MCF2L: variants seen among roughly 807,000 people sequenced by gnomAD.
MCF2L encodes guanine nucleotide exchange factor DBS.
A neutral mutation model predicts 153.4 loss-of-function variants in MCF2L; 97 were observed. That is an observed-to-expected ratio of 0.63 (90% CI 0.54 to 0.75). The LOEUF (loss-of-function observed/expected upper bound fraction) is 0.75, where lower values mean the gene tolerates loss of function less well. MCF2L is among the 30% of genes least tolerant of loss of function. The pLI is 0.00. For missense variants in MCF2L, 1,347 were observed against 1,495.2 expected, an observed-to-expected ratio of 0.90 and a Z score of 1.64; for synonymous variants, 659 against 632.2, an observed-to-expected ratio of 1.04 and a Z score of -0.64.
intron 13 of MCF2L, among the ~76,000 whole-genome samples, chr13:113,077,739 G>T (rs554413300): frequency 1.3e-5 from 2 of 152,174 alleles, no homozygotes; most frequent in South Asian, 2.1e-4. Flanking sequence ...AGCCAGGCAC[G>T]GCGCCATTTC....
chr13:113,079,909 T>TA (rs2033940078), intron 15 of MCF2L, among the ~76,000 whole-genome samples: 1 of 93,044 alleles, frequency 1.1e-5, no homozygotes, highest in South Asian at 3.6e-4. Context: ...AGGGGAGTGT[T>TA]CGTATGGAGG....
intron 3 of MCF2L, among the ~76,000 whole-genome samples, chr13:113,038,357 C>A (rs771587830): frequency 9.3e-5 from 14 of 151,062 alleles, no homozygotes; most frequent in Non-Finnish European, 2.1e-4. Flanking sequence ...CCCAGCTACT[C>A]GGGAGGCTGA....
Position 112,904,089 on chromosome 13 carries a change from C to G in MCF2L, c.169+1718C>G, listed in dbSNP as rs1483741489. ...GGTGCCTTTCCCTGAGCGCCCAAGT[C>G]TCGCGTGGACCAGCTCTGGGGACTG... On this transcript the variant is annotated intron_variant, in intron 2 of 29. Transcript: ENST00000375608. This position sits in a 1 kb window ranked among gnomAD's most constrained non-coding sequence, Gnocchi z 4.2. 6.6e-6 allele frequency among the ~76,000 whole-genome samples: 1 copy of G among 152,018 alleles called. No individual in the cohort carries two copies. The highest frequency in any genetic ancestry group is 1.5e-5 in the Non-Finnish European group (1 of 68,026).
intron 2 of MCF2L, among the ~76,000 whole-genome samples, chr13:113,022,773 G>A (rs771914488): frequency 2.6e-5 from 4 of 152,224 alleles, no homozygotes; most frequent in Non-Finnish European, 4.4e-5. Context: ...AGCCCCCACC[G>A]CGGCGGCGGC....
chr13:112,956,558 T>C (rs1346278494), intron 2 of MCF2L: 2 of 152,276 alleles, frequency 1.3e-5, no homozygotes, highest in African/African-American at 2.4e-5. Context: ...CCACGGATGA[T>C]GAGGAGGCAG....
Position 113,024,937 on chromosome 13 carries a change from G to A in MCF2L, c.278+179G>A, listed in dbSNP as rs574365685. ...TCCCTGTGAGATTTCCCCATCATGCGGTCCCCGTGACTGTGGGTCAGGGCA... is the reference window on the plus strand; with the variant it reads ...TCCCTGTGAGATTTCCCCATCATGCAGTCCCCGTGACTGTGGGTCAGGGCA... On this transcript the variant is annotated intron_variant, in intron 3 of 29. Coordinates refer to ENST00000535094, the MANE Select transcript of MCF2L (RefSeq NM_001112732.3). The A allele has an allele frequency of 2.8e-4, 166 of 589,446 alleles. 2 individuals are homozygous for A. The African/African-American group carries it at 2.8e-3, about 10-fold the overall frequency. The allele number at this position is 589,446 out of a possible 1,614,324, so 36.5% of individuals were successfully genotyped here. A position where few individuals can be genotyped will look rare whatever the true frequency, so the allele number is the denominator to read the frequency against.
At chr13:113,090,133 G>A in intron 26 of MCF2L, 1 of 1,544,744 alleles carries the variant, frequency 6.5e-7, no homozygotes, top group Non-Finnish European at 8.7e-7. Flanking sequence ...TACCCTGCAG[G>A]GTTTTGCTAA....
chr13:113,075,928 C>CA, intron 11 of MCF2L, 38 bp from the exon 12 acceptor site: 1 of 1,532,306 alleles, frequency 6.5e-7, no homozygotes, highest in Non-Finnish European at 8.9e-7. Context: ...CTCACCCTCT[C>CA]ACGGCGTCCT....
chr13:112,920,325 G>T (rs1229567433), intron 2 of MCF2L, among the ~76,000 whole-genome samples: 1 of 152,194 alleles, frequency 6.6e-6, no homozygotes, highest in Non-Finnish European at 1.5e-5. Flanking sequence ...AGAAAACTCT[G>T]CATTCAAAAT....
At chr13:112,982,638 G>C (rs1023441878) in intron 1 of MCF2L, among the ~76,000 whole-genome samples, 2 of 152,170 alleles carry the variant, frequency 1.3e-5, no homozygotes, top group Non-Finnish European at 2.9e-5. Flanking sequence ...GCCTGCTCTC[G>C]CGTGCTGTGG....
intron 1 of MCF2L, chr13:113,001,710 A>C: frequency 2.2e-6 from 3 of 1,358,416 alleles, no homozygotes; most frequent in Non-Finnish European, 2.8e-6. Flanking sequence ...GCTGCTCCTT[A>C]ATCAGGGACA....
chr13:112,971,223 T>C (rs2082028532), intron 1 of MCF2L, among the ~76,000 whole-genome samples: 1 of 152,204 alleles, frequency 6.6e-6, no homozygotes, highest in Non-Finnish European at 1.5e-5. Flanking sequence ...GTGCACATTC[T>C]CTGGTAGGGG....
chr13:112,920,413 C>G (rs1448504889), intron 2 of MCF2L, among the ~76,000 whole-genome samples: 1 of 152,082 alleles, frequency 6.6e-6, no homozygotes, highest in East Asian at 1.9e-4. Context: ...GATCAGTTAT[C>G]TGATATTCAT....
intron 4 of MCF2L, among the ~76,000 whole-genome samples, chr13:113,057,666 T>TTTGGGTGCTGAGTG (rs2030381767): frequency 7.3e-6 from 1 of 136,588 alleles, no homozygotes; most frequent in Non-Finnish European, 1.6e-5. Context: ...GTGCTGTGTG[T>TTTGGGTGCTGAGTG]TTGGGTGCTG....
chr13:112,925,950 A>G (rs1323655037), intron 2 of MCF2L, among the ~76,000 whole-genome samples: 2 of 152,250 alleles, frequency 1.3e-5, no homozygotes, highest in African/African-American at 4.8e-5. Flanking sequence ...GTTGCTATTT[A>G]ATATATGGTT....
intron 18 of MCF2L, 55 bp from the exon 19 acceptor site, chr13:113,084,837 C>T (rs372638846): frequency 4.3e-5 from 58 of 1,363,662 alleles, no homozygotes; most frequent in Non-Finnish European, 5.9e-5. Context: ...TCCCTCACCG[C>T]GTGATGCGCT....
chr13:112,954,692 G>T (rs887978250), intron 2 of MCF2L, among the ~76,000 whole-genome samples: 2 of 152,164 alleles, frequency 1.3e-5, no homozygotes, highest in African/African-American at 4.8e-5. Context: ...CTGCCCCATG[G>T]TGCAGAACAG....
At chr13:113,055,976 C>T (rs1345083333) in intron 4 of MCF2L, among the ~76,000 whole-genome samples, 1 of 152,220 alleles carries the variant, frequency 6.6e-6, no homozygotes, top group Middle Eastern at 3.2e-3. Context: ...TCCCCTCCCT[C>T]ATCCACTCCG....
chr13:112,942,407 A>T (rs1199604926), intron 2 of MCF2L, among the ~76,000 whole-genome samples: 3 of 152,008 alleles, frequency 2.0e-5, no homozygotes, highest in Non-Finnish European at 4.4e-5. Context: ...CACACTCCTT[A>T]CCCTGTCCCT....
Sources: allele counts gnomAD v4.1 joint callset (sites outside exome capture counted in the v4.1 genomes callset), GRCh38; gene constraint gnomAD v4.1.1; non-coding constraint Gnocchi (gnomAD v3.1); transcripts MANE v1.5; gene names NCBI Gene and HGNC (gene_info 2026-07-23, HGNC 2026-07-21).